The following USH1C variants were observed in gnomAD, a reference collection of about 807,000 sequenced individuals.
USH1C encodes the protein USH1 protein network component harmonin, also known as harmonin.
A neutral mutation model predicts 119.3 loss-of-function variants in USH1C; 90 were observed. The ratio of observed to expected loss-of-function variants is 0.75; its 90% confidence interval spans 0.64 to 0.90. The LOEUF (loss-of-function observed/expected upper bound fraction) is 0.90. USH1C is among the 40% of genes least tolerant of loss of function. The pLI is 0.00. For missense variants in USH1C, 1,165 were observed against 1,167.7 expected (o/e 1.00, Z 0.03); for synonymous variants, 465 against 443.3 (o/e 1.05, Z -0.62).
rs1851005409 is a variant in USH1C at position 17,531,912 on chromosome 11, T to G, written c.105-370A>C. Among the ~76,000 whole-genome samples the G allele has an allele frequency of 6.6e-6, 1 of 152,250 alleles. No individual in the cohort carries two copies. The highest frequency in any genetic ancestry group is 1.5e-5 in the Non-Finnish European group (1 of 68,050). ...TCCACTCGTATCTGCTGCTAAGCTC[T>G]GTCAATTTCACCTCACCACAGTTCA... On this transcript the variant is annotated intron_variant, in intron 2 of 26. Coordinates refer to ENST00000005226, the MANE Select transcript of USH1C (RefSeq NM_153676.4). The surrounding 1 kb of genome is among the most constrained non-coding windows in gnomAD (Gnocchi z 4.2).
intron 12 of USH1C, 148 bp downstream of exon 12, chr11:17,522,636 C>T: frequency 2.5e-6 from 3 of 1,192,228 alleles, no homozygotes; most frequent in Non-Finnish European, 3.7e-6. Context: ...GATACGCTGA[C>T]CTACCACCAA....
chr11:17,519,806 G>C (rs1037032147), intron 14 of USH1C, among the ~76,000 whole-genome samples: 2 of 152,280 alleles, frequency 1.3e-5, no homozygotes, highest in Admixed American at 6.5e-5. Flanking sequence ...GGGGTGAAAT[G>C]GAACCATCCA....
At position 17,523,434 on chromosome 11, in the gene USH1C, G is replaced by A; in HGVS notation, c.804C>T (p.Asn268=). The change falls in exon 10 of 27, where the codon AAC becomes AAT. Residue 268 remains asparagine (N), a synonymous_variant. Coordinates refer to ENST00000005226, the MANE Select transcript of USH1C (RefSeq NM_153676.4). ...IVEVNGVDFS[N]LDHKEAVNVL... ...CACATCTCACCTCCTTGTGATCCAG[G>A]TTAGAGAAGTCGACGCCATTGACTT... 1 of 1,614,216 alleles carries A rather than the reference G, an allele frequency of 6.2e-7. No individual in the cohort carries two copies. Among genetic ancestry groups the A allele is most frequent in the Non-Finnish European group, 8.5e-7 (1 of 1,180,034 alleles).
chr11:17,539,573 G>A (rs2133954194), intron 1 of USH1C, among the ~76,000 whole-genome samples: 1 of 152,286 alleles, frequency 6.6e-6, no homozygotes, highest in South Asian at 2.1e-4. Flanking sequence ...GACAATAAGT[G>A]GACATAAATT....
rs746578305 is a variant in USH1C at position 17,509,596 on chromosome 11, T to C, written c.1773A>G (p.Ser591=). Residue 591 remains serine, a synonymous_variant, in exon 18 of 27, where the codon TCA becomes TCG. Transcript: ENST00000005226. ...VLPLSGHVSA[S]SSPWVQRTPP... is the part of the protein sequence containing the mutation. ...GAGTGCGCTGCACCCATGGAGAGGA[T>C]GAGGCGCTCACATGGCCAGATAAGG... is the stretch of plus-strand genomic sequence containing the variant. 6.2e-5 allele frequency: 98 copies of C among 1,577,900 alleles called. No homozygotes were observed. Among genetic ancestry groups the C allele is most frequent in the Non-Finnish European group, 7.9e-5 (92 of 1,171,352 alleles).
intron 20 of USH1C, among the ~76,000 whole-genome samples, chr11:17,503,285 G>T (rs1849518277): frequency 6.6e-6 from 1 of 152,194 alleles, no homozygotes; most frequent in African/African-American, 2.4e-5. Flanking sequence ...GCCTACTCCG[G>T]CTGTTTCTCC....
intron 14 of USH1C, 91 bp from the exon 15 acceptor site, chr11:17,516,381 T>C (rs1295439811): frequency 3.9e-6 from 5 of 1,280,816 alleles, no homozygotes; most frequent in Non-Finnish European, 5.6e-6. Context: ...TCCCAAGGAA[T>C]GCATGACTTT....
chr11:17,534,749 C>T (rs1851159488), intron 1 of USH1C, among the ~76,000 whole-genome samples: 1 of 152,046 alleles, frequency 6.6e-6, no homozygotes, highest in Non-Finnish European at 1.5e-5. Context: ...TGGTATGCCC[C>T]TGTAATCCCA....
In USH1C at chr11:17,522,817, T is replaced by C. The variant is rs1286583866; in HGVS notation, c.986A>G (p.Lys329Arg). Reference sequence around the variant, plus strand: ...CATCTCCTGCTGCTCCTGGAGGATCTTGTTGGACTCCATCGCCAGCCGCTT... The same window carrying C: ...CATCTCCTGCTGCTCCTGGAGGATCCTGTTGGACTCCATCGCCAGCCGCTT... Reference protein sequence around the residue: ...MQKRLAMESNKILQEQQEMER... With the variant: ...MQKRLAMESNRILQEQQEMER... The change falls in exon 12 of 27, where the codon AAG becomes AGG. Residue 329 changes from lysine (K) to arginine (R), a missense_variant. Transcript: ENST00000005226. The C allele has an allele frequency of 2.5e-6, 4 of 1,614,006 alleles. No homozygotes were observed. Among genetic ancestry groups the C allele is most frequent in the African/African-American group, 1.3e-5 (1 of 75,032 alleles).
At chr11:17,498,318 G>T (rs771029915) in intron 23 of USH1C, 47 bp from the exon 24 acceptor site, 1 of 1,568,636 alleles carries the variant, frequency 6.4e-7, no homozygotes, top group Non-Finnish European at 8.8e-7. Flanking sequence ...TATGTGACAC[G>T]TGCCTGGCCC....
At chr11:17,510,930 A>T (rs1849861344) in intron 16 of USH1C, among the ~76,000 whole-genome samples, 1 of 152,124 alleles carries the variant, frequency 6.6e-6, no homozygotes, top group South Asian at 2.1e-4. Flanking sequence ...GCATAAGTTC[A>T]ATCTTATTTT....
chr11:17,510,486 C>T lies in USH1C; in HGVS notation c.1449G>A (p.Ser483=), dbSNP rs142669563. 56 of 1,613,842 alleles carry T rather than the reference C, an allele frequency of 3.5e-5. No homozygotes were observed. In the Admixed American group the frequency reaches 5.7e-4, roughly 16 times the overall value. ...TCTCCACCCAATATTGAATCTTTTC[C>T]GATTCTTCAAGGTCTTCCCGCTCTG... ...SETEREDLEE[S]EKIQYWVERL... Residue 483 remains serine, a synonymous_variant, in exon 17 of 27, where the codon TCG becomes TCA. Coordinates refer to ENST00000005226, the MANE Select transcript of USH1C (RefSeq NM_153676.4).
At chr11:17,511,679 CA>C (rs1405343619) in intron 16 of USH1C, among the ~76,000 whole-genome samples, 1 of 152,218 alleles carries the variant, frequency 6.6e-6, no homozygotes, top group Non-Finnish European at 1.5e-5. Context: ...CTCACACCCC[CA>C]AGCAAGGAGA....
chr11:17,516,191 C>T lies in USH1C; in HGVS notation c.1260+50G>A, dbSNP rs770262188. Reference sequence around the variant, plus strand: ...AAGGAATGTTTGGGAAAAGCCAAAACCCACAGCAAACTAAGCAGCACACCA... The same window carrying T: ...AAGGAATGTTTGGGAAAAGCCAAAATCCACAGCAAACTAAGCAGCACACCA... On this transcript the variant is annotated intron_variant, in intron 15 of 26. Coordinates refer to ENST00000005226, the MANE Select transcript of USH1C (RefSeq NM_153676.4). 7.5e-6 allele frequency: 12 copies of T among 1,608,592 alleles called. No individual in the cohort carries two copies. The South Asian group carries it at 1.3e-4, about 18-fold the overall frequency.
rs751432782 is a variant in USH1C at position 17,509,649 on chromosome 11, G to T, written c.1720C>A (p.His574Asn). 3.8e-6 allele frequency: 6 copies of T among 1,593,706 alleles called. No homozygotes were observed. Among genetic ancestry groups the T allele is most frequent in the Non-Finnish European group, 5.1e-6 (6 of 1,175,506 alleles). The change falls in exon 18 of 27, where the codon CAC becomes AAC. Residue 574 changes from histidine (H) to asparagine (N), a missense_variant. Coordinates refer to ENST00000005226, the MANE Select transcript of USH1C (RefSeq NM_153676.4). ...AGGACAGGGGGCGCCGGGACCTTGT[G>T]GGGTGGGTTGGAGGGTGGAGGGTGG... Reference protein sequence around the residue: ...MPHPPPSNPPHKVPAPPVLPL... With the variant: ...MPHPPPSNPPNKVPAPPVLPL...
chr11:17,522,733 G>A lies in USH1C; in HGVS notation c.1019+51C>T, dbSNP rs78724677. 8.3e-4 allele frequency: 1,340 copies of A among 1,612,194 alleles called. 7 individuals carry two copies. The African/African-American group carries it at 0.012, about 14-fold the overall frequency. On this transcript the variant is annotated intron_variant, in intron 12 of 26. Transcript: ENST00000005226. ...GGCAGGAAGCAAGCTAGGTGGGGTC[G>A]TGTGGTGGGGTGGGAGGCGGGACAG...
chr11:17,509,423 G>A lies in USH1C; in HGVS notation c.1946C>T (p.Ala649Val). Reference sequence around the variant, plus strand: ...AGTGGGCTTCCCACTGTGGTTCTTTGCCTCCCAGTCCTCCACTGGATTGCC... The same window carrying A: ...AGTGGGCTTCCCACTGTGGTTCTTTACCTCCCAGTCCTCCACTGGATTGCC... The part of the protein sequence containing the change: ...DTGNPVEDWE[A>V]KNHSGKPTNS... Residue 649 changes from alanine (A) to valine (V), a missense_variant, in exon 18 of 27, where the codon GCA becomes GTA. Physicochemically the swap from Ala to Val is moderately conservative, Grantham distance 64. Coordinates refer to ENST00000005226, the MANE Select transcript of USH1C (RefSeq NM_153676.4). 1 of 1,607,200 alleles carries A rather than the reference G, an allele frequency of 6.2e-7. No homozygotes were observed. The highest frequency in any genetic ancestry group is 8.5e-7 in the Non-Finnish European group (1 of 1,175,158).
At chr11:17,543,638 AGGGTGGACCC>A (rs1851566638) in intron 1 of USH1C, among the ~76,000 whole-genome samples, 1 of 152,168 alleles carries the variant, frequency 6.6e-6, no homozygotes, top group Non-Finnish European at 1.5e-5. Context: ...GGGACACACC[AGGGTGGACCC>A]GGCTCTGCCT....
rs755549053 is a variant in USH1C, at chr11:17,533,217, C to T, written c.104+38G>A. On this transcript the variant is annotated intron_variant, in intron 2 of 26. Transcript: ENST00000005226. ...CCAGGGCTCCCTGAAGACAAAGGAA[C>T]CCAAGTGGCCCACAAGAGCTGGACC... 68 of 1,566,788 alleles carry T rather than the reference C, an allele frequency of 4.3e-5. 2 individuals carry two copies. In the East Asian group the frequency reaches 1.5e-3, roughly 35 times the overall value.
Sources: allele counts gnomAD v4.1 joint callset (sites outside exome capture counted in the v4.1 genomes callset), GRCh38; gene constraint gnomAD v4.1.1; non-coding constraint Gnocchi (gnomAD v3.1); transcripts MANE v1.5; gene names NCBI Gene and HGNC (gene_info 2026-07-23, HGNC 2026-07-21).